Variants in FSTL4 observed in about 807,000 individuals in gnomAD.
The protein encoded by FSTL4 is follistatin-related protein 4.
In FSTL4, 28 loss-of-function variants were observed where a neutral mutation model predicts 78.2. The ratio of observed to expected loss-of-function variants is 0.36; its 90% CI spans 0.27 to 0.49. The LOEUF is 0.49. FSTL4 is among the 20% of genes least tolerant of loss of function. FSTL4 has a pLI of 0.98. For synonymous variants in FSTL4, 422 were observed against 440.5 expected (o/e 0.96, Z 0.53); for missense variants, 922 against 1,084.9 (o/e 0.85, Z 2.11).
At chr5:133,672,626 T>C in the FSTL4 span, among the ~76,000 whole-genome samples, 1 of 152,172 alleles carries the variant, frequency 6.6e-6, no homozygotes, top group African/African-American at 2.4e-5. Flanking sequence ...TCAATGCAAT[T>C]GAGACAGCAG....
chr5:133,825,364 G>A, the FSTL4 span, among the ~76,000 whole-genome samples: 2 of 152,316 alleles, frequency 1.3e-5, no homozygotes, highest in African/African-American at 4.8e-5. Flanking sequence ...ATTTCAAAGT[G>A]TTTCTCAAGA....
At chr5:133,424,662 G>C (rs1015545249) in intron 3 of FSTL4, among the ~76,000 whole-genome samples, 1 of 152,186 alleles carries the variant, frequency 6.6e-6, no homozygotes, top group African/African-American at 2.4e-5. Context: ...CCAAGGGAAG[G>C]CTGGTCTGGA....
chr5:133,824,416 C>T, the FSTL4 span, among the ~76,000 whole-genome samples: 1 of 152,338 alleles, frequency 6.6e-6, no homozygotes, highest in East Asian at 1.9e-4. Flanking sequence ...GTGCCCCCAT[C>T]CTGAGGCTAT....
At chr5:133,715,564 A>C in the FSTL4 span, among the ~76,000 whole-genome samples, 29 of 152,216 alleles carry the variant, frequency 1.9e-4, no homozygotes, top group Admixed American at 9.2e-4. Context: ...TTCAGCATAG[A>C]CTTAGGGGAA....
chr5:133,758,574 G>A, the FSTL4 span, among the ~76,000 whole-genome samples: 2 of 151,902 alleles, frequency 1.3e-5, no homozygotes, highest in African/African-American at 4.8e-5. Context: ...AAATCCTAAG[G>A]GATATTTGTG....
upstream of FSTL4, among the ~76,000 whole-genome samples, chr5:133,616,243 C>T (rs189910918): frequency 2.1e-3 from 327 of 152,106 alleles, 1 homozygote; most frequent in African/African-American, 7.5e-3. Flanking sequence ...AAAGGGACAA[C>T]ATAATTTTTA....
chr5:133,755,802 A>G, the FSTL4 span, among the ~76,000 whole-genome samples: 1 of 151,988 alleles, frequency 6.6e-6, no homozygotes, highest in African/African-American at 2.4e-5. Flanking sequence ...GCATAAAACA[A>G]CCCTGTTCTT....
chr5:133,284,149 C>T (rs964479316), intron 6 of FSTL4, among the ~76,000 whole-genome samples: 3 of 152,194 alleles, frequency 2.0e-5, no homozygotes, highest in Non-Finnish European at 4.4e-5. Flanking sequence ...ATGTAGAAGG[C>T]AAGATGTTAT....
upstream of FSTL4, among the ~76,000 whole-genome samples, chr5:133,612,768 T>G (rs969669146): frequency 6.6e-6 from 1 of 152,070 alleles, no homozygotes; most frequent in African/African-American, 2.4e-5. This position sits in a 1 kb window ranked among gnomAD's most constrained non-coding sequence, Gnocchi z 6.2. Context: ...CTGGCTAGCG[T>G]GGAGCTCGGC....
At chr5:133,801,635 G>A in the FSTL4 span, among the ~76,000 whole-genome samples, 5 of 152,254 alleles carry the variant, frequency 3.3e-5, no homozygotes, top group Non-Finnish European at 2.9e-5. Flanking sequence ...CGGTGTCCCC[G>A]CCCCACTGCC....
intron 2 of FSTL4, among the ~76,000 whole-genome samples, chr5:133,570,401 C>T (rs996463852): frequency 6.6e-6 from 1 of 152,118 alleles, no homozygotes; most frequent in Non-Finnish European, 1.5e-5. Flanking sequence ...CGACTCACTG[C>T]AACCTCTGCC....
At chr5:133,672,684 G>A in the FSTL4 span, among the ~76,000 whole-genome samples, 2 of 152,330 alleles carry the variant, frequency 1.3e-5, no homozygotes, top group East Asian at 3.9e-4. Flanking sequence ...CATCTATGGA[G>A]GTGTCAAGAA....
chr5:133,330,779 CAG>C (rs1491572527), intron 4 of FSTL4, among the ~76,000 whole-genome samples: 2 of 152,170 alleles, frequency 1.3e-5, no homozygotes, highest in Non-Finnish European at 2.9e-5. Context: ...TTAGGTCTGA[CAG>C]GGGGTAAAGA....
chr5:133,419,220 A>C (rs1429890263), intron 3 of FSTL4, among the ~76,000 whole-genome samples: 1 of 152,118 alleles, frequency 6.6e-6, no homozygotes, highest in East Asian at 1.9e-4. Context: ...TCCCAGTTTA[A>C]GTGATTCTCC....
chr5:133,363,918 G>A (rs535551819), intron 4 of FSTL4, among the ~76,000 whole-genome samples: 5 of 152,230 alleles, frequency 3.3e-5, no homozygotes, highest in African/African-American at 1.2e-4. Flanking sequence ...GTGTTCTAAT[G>A]GCTGGGTTAA....
At chr5:133,364,488 C>T (rs74351088) in intron 4 of FSTL4, among the ~76,000 whole-genome samples, 5,734 of 152,298 alleles carry the variant, frequency 0.038, 164 homozygotes, top group Non-Finnish European at 0.059. Context: ...GATTCAAGGT[C>T]CTATGATGAA....
In FSTL4 at chr5:133,502,802, C is replaced by G. The variant is rs570916710; in HGVS notation, c.160+64384G>C. Among the ~76,000 whole-genome samples, 397 of 152,260 alleles carry G rather than the reference C, an allele frequency of 2.6e-3. 2 individuals are homozygous for G. The highest frequency in any genetic ancestry group is 3.5e-3 in the Non-Finnish European group (237 of 68,018). ...ACCATGAGCCAATTAAACCTCTTTT[C>G]TTTATAAATTACTCAGTCTCAGGTA... On this transcript the variant is annotated intron_variant, in intron 3 of 15. Coordinates refer to ENST00000265342, the MANE Select transcript of FSTL4 (RefSeq NM_015082.2).
chr5:133,312,927 T>C, intron 5 of FSTL4, 150 bp from the exon 6 acceptor site: 1 of 703,440 alleles, frequency 1.4e-6, no homozygotes, highest in Admixed American at 2.9e-5. Context: ...CTTGTCTGAC[T>C]CCTTCATTTT....
chr5:133,424,080 G>A (rs773191280), intron 3 of FSTL4, among the ~76,000 whole-genome samples: 1 of 152,244 alleles, frequency 6.6e-6, no homozygotes, highest in Admixed American at 6.5e-5. Flanking sequence ...CTCCCTGTGG[G>A]GAGACCACAT....
Sources: gnomAD v4.1 joint callset for allele counts (sites outside exome capture counted in the v4.1 genomes callset) on GRCh38, gnomAD v4.1.1 for gene constraint, Gnocchi (gnomAD v3.1) non-coding constraint, MANE v1.5 for transcripts, NCBI Gene and HGNC (gene_info 2026-07-23, HGNC 2026-07-21) for gene names.